Variants in MTUS2 observed in about 807,000 individuals in gnomAD.
The protein encoded by MTUS2 is microtubule-associated tumor suppressor candidate 2.
A neutral mutation model predicts 114.1 loss-of-function variants in MTUS2; 40 were observed. The ratio of observed to expected loss-of-function variants is 0.35; its 90% CI spans 0.27 to 0.46. The LOEUF is 0.46. Ranked by LOEUF, MTUS2 falls within the 20% of genes least tolerant of loss-of-function variation. The pLI is 1.00. For synonymous variants in MTUS2, 688 were observed against 672.0 expected, an observed-to-expected ratio of 1.02 and a Z score of -0.37; for missense variants, 1,679 against 1,705.4, an observed-to-expected ratio of 0.98 and a Z score of 0.27.
chr13:29,293,716 TATG>T (rs1275287841), intron 6 of MTUS2, among the ~76,000 whole-genome samples: 2 of 152,114 alleles, frequency 1.3e-5, no homozygotes, highest in Non-Finnish European at 2.9e-5. Context: ...GTAAATAAGT[TATG>T]ATATAGCCAT....
At chr13:29,428,643 G>C (rs976086063) in intron 8 of MTUS2, 1 of 956,510 alleles carries the variant, frequency 1.0e-6, no homozygotes, top group Non-Finnish European at 1.3e-6. Flanking sequence ...GATCGCTGCT[G>C]CCCTGCTCTC....
chr13:29,385,505 A>G (rs1022972784), intron 8 of MTUS2, among the ~76,000 whole-genome samples: 13 of 152,184 alleles, frequency 8.5e-5, no homozygotes, highest in African/African-American at 3.1e-4. Flanking sequence ...ACCCTTCAGA[A>G]AGGGCACAAA....
intron 2 of MTUS2, among the ~76,000 whole-genome samples, chr13:28,919,414 A>C: frequency 6.6e-6 from 1 of 152,090 alleles, no homozygotes; most frequent in Non-Finnish European, 1.5e-5. Context: ...TCGCCCTGCA[A>C]GGTTTCCACT....
intron 2 of MTUS2, among the ~76,000 whole-genome samples, chr13:28,842,376 A>T (rs975348781): frequency 2.6e-5 from 4 of 152,186 alleles, no homozygotes; most frequent in Non-Finnish European, 5.9e-5. Context: ...GAATATGAAG[A>T]CACTTTGGAT....
intron 6 of MTUS2, among the ~76,000 whole-genome samples, chr13:29,319,795 G>T (rs959636536): frequency 6.6e-6 from 1 of 152,152 alleles, no homozygotes; most frequent in African/African-American, 2.4e-5. Flanking sequence ...CTGCACTGGG[G>T]GAAAGAGATC....
At chr13:29,357,216 T>C (rs1285303519) in intron 7 of MTUS2, among the ~76,000 whole-genome samples, 1 of 152,168 alleles carries the variant, frequency 6.6e-6, no homozygotes, top group Admixed American at 6.5e-5. Context: ...TTATTGTTAT[T>C]AAAGGTGGTA....
intron 9 of MTUS2, among the ~76,000 whole-genome samples, chr13:29,454,466 C>T (rs972900056): frequency 3.9e-5 from 6 of 152,068 alleles, no homozygotes; most frequent in Non-Finnish European, 8.8e-5. Flanking sequence ...TACTGGAGCA[C>T]GATGTAGAAA....
chr13:29,078,020 T>C (rs1256274541), intron 4 of MTUS2, among the ~76,000 whole-genome samples: 1 of 152,144 alleles, frequency 6.6e-6, no homozygotes, highest in African/African-American at 2.4e-5. Context: ...AAAAATGATA[T>C]TATTTTGAAA....
At chr13:29,144,410 C>T (rs866177142) in intron 5 of MTUS2, among the ~76,000 whole-genome samples, 2 of 150,566 alleles carry the variant, frequency 1.3e-5, no homozygotes, top group African/African-American at 4.9e-5. Context: ...GTCTCTTAGG[C>T]TAGTGTGCAG....
intron 8 of MTUS2, among the ~76,000 whole-genome samples, chr13:29,389,371 GTGTATA>G (rs1566172668): frequency 7.8e-5 from 5 of 64,388 alleles, no homozygotes; most frequent in African/African-American, 9.4e-5. Flanking sequence ...ATGCACGTGT[GTGTATA>G]TATGTATACA....
intron 5 of MTUS2, among the ~76,000 whole-genome samples, chr13:29,114,755 C>T (rs1043509859): frequency 2.0e-5 from 3 of 152,192 alleles, no homozygotes; most frequent in Non-Finnish European, 2.9e-5. Context: ...CCTGCCCTCC[C>T]CAGGCAGGGA....
At chr13:29,129,216 G>T (rs1459866503) in intron 5 of MTUS2, among the ~76,000 whole-genome samples, 2 of 148,798 alleles carry the variant, frequency 1.3e-5, no homozygotes, top group South Asian at 2.1e-4. Flanking sequence ...TTCCCCATCC[G>T]GAATGACATT....
intron 3 of MTUS2, among the ~76,000 whole-genome samples, chr13:29,028,857 A>G (rs1403121437): frequency 1.3e-5 from 2 of 152,190 alleles, no homozygotes; most frequent in East Asian, 3.9e-4. Context: ...TAACTGAATC[A>G]TGAACTCCAT....
intron 7 of MTUS2, among the ~76,000 whole-genome samples, chr13:29,332,879 C>T (rs369007292): frequency 5.9e-4 from 90 of 152,230 alleles, no homozygotes; most frequent in African/African-American, 1.7e-3. Context: ...TCGTGATCTG[C>T]GCGTCTCGGC....
chr13:29,191,863 T>C (rs1482843110), intron 5 of MTUS2, among the ~76,000 whole-genome samples: 1 of 152,228 alleles, frequency 6.6e-6, no homozygotes, highest in Non-Finnish European at 1.5e-5. Flanking sequence ...TTCTATGCCT[T>C]CTTCTTTACC....
chr13:29,132,642 A>G (rs1000178633), intron 5 of MTUS2, among the ~76,000 whole-genome samples: 6 of 152,230 alleles, frequency 3.9e-5, no homozygotes, highest in Non-Finnish European at 8.8e-5. Context: ...TTTCACTTAT[A>G]TAATGTCCTC....
chr13:29,434,834 T>A (rs1347743287), intron 8 of MTUS2, among the ~76,000 whole-genome samples: 1 of 152,202 alleles, frequency 6.6e-6, no homozygotes, highest in Non-Finnish European at 1.5e-5. Context: ...GTTAATGGGA[T>A]GATTAGTGGG....
At chr13:29,109,411 C>T (rs1029077378) in intron 5 of MTUS2, among the ~76,000 whole-genome samples, 1 of 152,104 alleles carries the variant, frequency 6.6e-6, no homozygotes, top group Non-Finnish European at 1.5e-5. Context: ...TATATTAGAT[C>T]TCCAGAACTT....
chr13:29,395,595 A>G (rs1873857305), intron 8 of MTUS2, among the ~76,000 whole-genome samples: 1 of 152,194 alleles, frequency 6.6e-6, no homozygotes, highest in East Asian at 1.9e-4. Context: ...TGCTGTATTA[A>G]GCAAATCTGC....
Sources: allele counts gnomAD v4.1 joint callset (sites outside exome capture counted in the v4.1 genomes callset), GRCh38; gene constraint gnomAD v4.1.1; transcripts MANE v1.5; gene names NCBI Gene and HGNC (gene_info 2026-07-23, HGNC 2026-07-21).